MROH9: variants seen among roughly 807,000 people sequenced by gnomAD.
MROH9 encodes maestro heat like repeat family member 9.
A neutral mutation model predicts 98.2 loss-of-function variants in MROH9; 92 were observed. That is an observed-to-expected ratio of 0.94 (90% CI 0.79 to 1.11). The LOEUF (loss-of-function observed/expected upper bound fraction) is 1.11, where lower values mean the gene tolerates loss of function less well. Ranked by LOEUF, MROH9 falls within the 50% of genes most tolerant of loss-of-function variation. The pLI is 0.00. For synonymous variants in MROH9, 397 were observed against 368.9 expected (o/e 1.08, Z -0.87); for missense variants, 1,057 against 1,014.8 (o/e 1.04, Z -0.57).
intron 2 of MROH9, 150 bp downstream of exon 2, chr1:170,945,731 T>C: frequency 1.7e-6 from 1 of 586,212 alleles, no homozygotes; most frequent in South Asian, 3.3e-5. Context: ...CCGTAGAACG[T>C]TCACAAAAGT....
chr1:171,034,485 T>C (rs1653031737), intron 20 of MROH9, among the ~76,000 whole-genome samples: 1 of 152,180 alleles, frequency 6.6e-6, no homozygotes, highest in African/African-American at 2.4e-5. Context: ...TCTCCCAAGC[T>C]CCCTTGCCAG....
intron 15 of MROH9, among the ~76,000 whole-genome samples, chr1:171,005,116 G>A (rs1651912102): frequency 6.6e-6 from 1 of 152,102 alleles, no homozygotes; most frequent in South Asian, 2.1e-4. Flanking sequence ...CCAGGCTGGA[G>A]TGCAGTCACA....
intron 15 of MROH9, among the ~76,000 whole-genome samples, chr1:171,004,543 G>A (rs73038285): frequency 0.064 from 9,774 of 152,238 alleles, 366 homozygotes; most frequent in African/African-American, 0.077. Context: ...CAGGTTGTGT[G>A]TTTAGGAAAG....
At chr1:170,964,660 C>T (rs907535480) in intron 6 of MROH9, among the ~76,000 whole-genome samples, 4 of 151,988 alleles carry the variant, frequency 2.6e-5, no homozygotes, top group East Asian at 1.9e-4. Flanking sequence ...AACCTGCCTC[C>T]GGTAATGTAC....
chr1:170,956,846 C>G (rs1649782347), intron 3 of MROH9, among the ~76,000 whole-genome samples: 1 of 151,948 alleles, frequency 6.6e-6, no homozygotes, highest in African/African-American at 2.4e-5. Flanking sequence ...CCCTTTATTT[C>G]TTTCTCCTGC....
At chr1:170,983,096 C>CAATAGA (rs1444178145) in intron 8 of MROH9, among the ~76,000 whole-genome samples, 1 of 152,214 alleles carries the variant, frequency 6.6e-6, no homozygotes, top group Non-Finnish European at 1.5e-5. Flanking sequence ...AGTCTACTTT[C>CAATAGA]CCTGCCAATA....
At chr1:171,000,715 C>G (rs1402679132) in intron 15 of MROH9, among the ~76,000 whole-genome samples, 1 of 151,918 alleles carries the variant, frequency 6.6e-6, no homozygotes, top group Non-Finnish European at 1.5e-5. Context: ...TTGGTTGTAT[C>G]TTTACCTGGT....
chr1:170,987,208 A>G (rs914622125), intron 10 of MROH9, among the ~76,000 whole-genome samples: 11 of 152,224 alleles, frequency 7.2e-5, no homozygotes, highest in Admixed American at 5.2e-4. Flanking sequence ...TTTAGAGAGT[A>G]AGTAATGAAT....
chr1:170,955,066 G>A (rs1649706609), intron 3 of MROH9, among the ~76,000 whole-genome samples: 1 of 152,052 alleles, frequency 6.6e-6, no homozygotes, highest in Non-Finnish European at 1.5e-5. Flanking sequence ...TACGGTGTTT[G>A]GTTTTCCATT....
At chr1:171,010,607 A>G (rs1184612334) in intron 15 of MROH9, among the ~76,000 whole-genome samples, 2 of 152,090 alleles carry the variant, frequency 1.3e-5, no homozygotes, top group Non-Finnish European at 2.9e-5. Flanking sequence ...TTGTTTCCTG[A>G]CTTTTTAATG....
chr1:170,987,859 G>A (rs1339841279), intron 10 of MROH9, among the ~76,000 whole-genome samples: 1 of 152,122 alleles, frequency 6.6e-6, no homozygotes, highest in Non-Finnish European at 1.5e-5. Context: ...AATAATTTAT[G>A]GCCTACCCTT....
intron 7 of MROH9, among the ~76,000 whole-genome samples, chr1:170,968,744 T>A (rs1420692467): frequency 6.6e-6 from 1 of 150,748 alleles, no homozygotes; most frequent in Non-Finnish European, 1.5e-5. Context: ...TGAGACCCCA[T>A]CTCCAAAAAA....
At chr1:170,960,586 T>C (rs1649980339) in intron 5 of MROH9, among the ~76,000 whole-genome samples, 1 of 152,194 alleles carries the variant, frequency 6.6e-6, no homozygotes, top group African/African-American at 2.4e-5. Flanking sequence ...TCTTACTGTT[T>C]CCATCTATTT....
chr1:170,939,772 G>A (rs965188770), intron 1 of MROH9, among the ~76,000 whole-genome samples: 8 of 152,120 alleles, frequency 5.3e-5, no homozygotes, highest in Non-Finnish European at 1.0e-4. Context: ...TTGGTGCCAC[G>A]TGGTCAAGCA....
At chr1:171,024,799 G>T (rs953593538) in intron 19 of MROH9, 34 bp downstream of exon 19, 1 of 1,276,992 alleles carries the variant, frequency 7.8e-7, no homozygotes, top group Admixed American at 2.0e-5. Context: ...TACTATAAGA[G>T]TTGTAGACAA....
intron 20 of MROH9, among the ~76,000 whole-genome samples, chr1:171,028,408 C>G (rs1336950955): frequency 6.6e-6 from 1 of 152,086 alleles, no homozygotes; most frequent in Non-Finnish European, 1.5e-5. Flanking sequence ...GTACCAGTAC[C>G]ATGTTGTTTT....
chr1:171,046,687 A>C (rs1200155257), intron 20 of MROH9, among the ~76,000 whole-genome samples: 1 of 152,156 alleles, frequency 6.6e-6, no homozygotes, highest in Non-Finnish European at 1.5e-5. Context: ...TAGGATAAGA[A>C]TAGTTTATAT....
intron 20 of MROH9, among the ~76,000 whole-genome samples, chr1:171,050,428 T>A (rs183100338): frequency 6.6e-6 from 1 of 152,298 alleles, no homozygotes; most frequent in Admixed American, 6.5e-5. Flanking sequence ...GTATTTTATT[T>A]TTTTGTAGCT....
At chr1:171,014,452 T>C (rs1209089992) in intron 16 of MROH9, among the ~76,000 whole-genome samples, 198 bp downstream of exon 16, 1 of 149,996 alleles carries the variant, frequency 6.7e-6, no homozygotes, top group Admixed American at 6.6e-5. Context: ...AGTGGCTTTA[T>C]CGCCTTACTT....
Sources: gnomAD v4.1 joint callset for allele counts (sites outside exome capture counted in the v4.1 genomes callset) on GRCh38, gnomAD v4.1.1 for gene constraint, MANE v1.5 for transcripts, NCBI Gene and HGNC (gene_info 2026-07-23, HGNC 2026-07-21) for gene names.